The following NRF1 variants were observed in gnomAD, a reference collection of about 807,000 sequenced individuals.
NRF1 encodes alpha palindromic-binding protein.
NRF1 carries 5 observed loss-of-function variants against 58.5 expected under a neutral mutation model. The observed-to-expected ratio is 0.09, with a 90% CI of 0.04 to 0.18. NRF1 has a LOEUF of 0.18. NRF1 is among the 10% of genes least tolerant of loss of function. The pLI is 1.00. For missense variants in NRF1, 288 were observed against 657.7 expected, an observed-to-expected ratio of 0.44 and a Z score of 6.15; for synonymous variants, 224 against 246.7, an observed-to-expected ratio of 0.91 and a Z score of 0.86.
In NRF1 at chr7:129,740,621, G is replaced by A. The variant is rs140299686; in HGVS notation, c.1348+13256G>A. On this transcript the variant is annotated intron_variant, in intron 10 of 10. Transcript: ENST00000393232. ...GATTTCCAGTTGCCAGGGTTCTTTG[G>A]TGCTTTTCTTTGCCTCCTGCAGAGA... Among the ~76,000 whole-genome samples the A allele has an allele frequency of 1.7e-3, 256 of 152,294 alleles. 1 individual carries two copies. The highest frequency in any genetic ancestry group is 5.6e-3 in the African/African-American group (232 of 41,566).
chr7:129,632,452 A>T (rs766831440), intron 1 of NRF1, among the ~76,000 whole-genome samples: 3 of 152,232 alleles, frequency 2.0e-5, no homozygotes, highest in African/African-American at 7.2e-5. Context: ...ATATAGAACA[A>T]TATAATAAAT....
intron 8 of NRF1, among the ~76,000 whole-genome samples, chr7:129,711,912 T>A (rs1053768260): frequency 5.9e-5 from 9 of 152,018 alleles, no homozygotes; most frequent in African/African-American, 2.2e-4. Context: ...GAAAAAAAAA[T>A]GTCACATTAA....
intron 10 of NRF1, chr7:129,735,303 G>A (rs182653514): frequency 0.03 from 26,204 of 886,578 alleles, 431 homozygotes; most frequent in Non-Finnish European, 0.033. Context: ...ATGCCGACGC[G>A]GGCGGATCAC....
intron 2 of NRF1, among the ~76,000 whole-genome samples, chr7:129,666,529 CT>C (rs758515942): frequency 1.7e-4 from 26 of 152,096 alleles, no homozygotes; most frequent in Non-Finnish European, 2.6e-4. Context: ...CTGAGTATTT[CT>C]TTTTCTGTTG....
intron 8 of NRF1, among the ~76,000 whole-genome samples, chr7:129,716,328 C>T (rs1053515313): frequency 1.3e-4 from 19 of 151,996 alleles, no homozygotes; most frequent in African/African-American, 4.6e-4. Context: ...AAAATAGGCA[C>T]AGTTGTAGAC....
At chr7:129,750,256 A>G (rs552567290) in intron 10 of NRF1, among the ~76,000 whole-genome samples, 1 of 152,284 alleles carries the variant, frequency 6.6e-6, no homozygotes, top group South Asian at 2.1e-4. Context: ...GATTAGGGCT[A>G]ATCAGGGGCA....
intron 10 of NRF1, among the ~76,000 whole-genome samples, chr7:129,746,700 T>A (rs560701590): frequency 1.6e-4 from 25 of 152,270 alleles, no homozygotes; most frequent in African/African-American, 5.8e-4. Context: ...TGGTCCCGGT[T>A]CCCATTTGGG....
chr7:129,711,392 G>T, intron 7 of NRF1, 83 bp from the exon 8 acceptor site: 2 of 977,152 alleles, frequency 2.0e-6, no homozygotes, highest in South Asian at 3.1e-5. Flanking sequence ...CTGAATTTGG[G>T]ATTAAATGAG....
At chr7:129,739,991 G>A (rs1803809957) in intron 10 of NRF1, among the ~76,000 whole-genome samples, 1 of 152,206 alleles carries the variant, frequency 6.6e-6, no homozygotes, top group African/African-American at 2.4e-5. Flanking sequence ...GAGGGGTACA[G>A]TTCTCTGCCC....
intron 2 of NRF1, among the ~76,000 whole-genome samples, chr7:129,668,251 T>G (rs1158765857): frequency 6.6e-6 from 1 of 152,210 alleles, no homozygotes; most frequent in Non-Finnish European, 1.5e-5. Context: ...TGCTTTGATT[T>G]GTCTATCCCT....
chr7:129,752,729 T>A lies in NRF1; in HGVS notation c.1349-2289T>A, dbSNP rs75613728. 2.0e-5 allele frequency among the ~76,000 whole-genome samples: 3 copies of A among 151,976 alleles called. No individual in the cohort carries two copies. The East Asian group carries it at 5.8e-4, about 29-fold the overall frequency. ...ATAAATAATAATAAAGAAAGATAAT[T>A]TGAGTGACTGGGAAGGGGTGAACTG... On this transcript the variant is annotated intron_variant, in intron 10 of 10. Coordinates refer to ENST00000393232, the MANE Select transcript of NRF1 (RefSeq NM_005011.5).
chr7:129,638,451 G>A (rs956936173), intron 1 of NRF1, among the ~76,000 whole-genome samples: 6 of 152,306 alleles, frequency 3.9e-5, no homozygotes, highest in South Asian at 2.1e-4. Flanking sequence ...TGGTTTGACA[G>A]CCAGCTGCAG....
chr7:129,740,495 G>C (rs1425662154), intron 10 of NRF1, among the ~76,000 whole-genome samples: 1 of 152,164 alleles, frequency 6.6e-6, no homozygotes, highest in Non-Finnish European at 1.5e-5. Flanking sequence ...TGTGTTCCTG[G>C]TGGAAGTCCC....
chr7:129,698,173 T>A (rs1204845232), intron 5 of NRF1, among the ~76,000 whole-genome samples: 1 of 151,942 alleles, frequency 6.6e-6, no homozygotes, highest in Non-Finnish European at 1.5e-5. Flanking sequence ...GCTCTCTTGG[T>A]TTTTGTCTTT....
chr7:129,742,523 T>TA (rs1212715578), intron 10 of NRF1, among the ~76,000 whole-genome samples: 1 of 152,208 alleles, frequency 6.6e-6, no homozygotes, highest in African/African-American at 2.4e-5. Flanking sequence ...CACATGCTGA[T>TA]AGTTTCTCAT....
rs1200436161 is a variant in NRF1 at position 129,710,541 on chromosome 7, T to A, written c.933T>A (p.Ser311Arg). 1.3e-6 allele frequency: 2 copies of A among 1,582,188 alleles called. No individual in the cohort carries two copies. Among genetic ancestry groups the A allele is most frequent in the Non-Finnish European group, 1.7e-6 (2 of 1,150,782 alleles). Residue 311 changes from serine to arginine, a missense_variant, in exon 7 of 11, where the codon AGT (serine) becomes AGA (arginine). Physicochemically the swap from Ser to Arg is moderately radical, Grantham distance 110. Coordinates refer to ENST00000393232, the MANE Select transcript of NRF1 (RefSeq NM_005011.5). The stretch of plus-strand genomic sequence containing the variant: ...CACAGACTGTAGTCCAGACTTTTAG[T>A]AACCCTGATGGCACTGTCTCACTTA... ...VPSQTVVQTF[S>R]NPDGTVSLIQ...
intron 1 of NRF1, among the ~76,000 whole-genome samples, chr7:129,652,307 C>T (rs925241503): frequency 3.3e-5 from 5 of 152,186 alleles, no homozygotes; most frequent in East Asian, 1.9e-4. Context: ...TATACTGTTA[C>T]ATGATAGTCA....
chr7:129,659,828 CT>C (rs1167350649), intron 2 of NRF1, among the ~76,000 whole-genome samples: 2 of 152,180 alleles, frequency 1.3e-5, no homozygotes, highest in Admixed American at 1.3e-4. Context: ...TTGTATGTCT[CT>C]TAACCATCTG....
At chr7:129,650,935 G>A (rs1019324793) in intron 1 of NRF1, among the ~76,000 whole-genome samples, 1 of 152,102 alleles carries the variant, frequency 6.6e-6, no homozygotes, top group African/African-American at 2.4e-5. Context: ...TCACTAAATT[G>A]ACTTGGGAGA....
Sources: gnomAD v4.1 joint callset for allele counts (sites outside exome capture counted in the v4.1 genomes callset) on GRCh38, gnomAD v4.1.1 for gene constraint, MANE v1.5 for transcripts, NCBI Gene and HGNC (gene_info 2026-07-23, HGNC 2026-07-21) for gene names.